The following SFMBT1 variants were observed in gnomAD, a reference collection of about 807,000 sequenced individuals.
SFMBT1 encodes scm-like with four MBT domains protein 1.
Under a neutral mutation model 108.7 loss-of-function variants are expected in SFMBT1, and 32 were observed. That is an observed-to-expected ratio of 0.29 (90% CI 0.22 to 0.40). The LOEUF is 0.40. Ranked by LOEUF, SFMBT1 falls within the 10% of genes least tolerant of loss-of-function variation. The probability of loss-of-function intolerance (pLI) is 1.00; values close to 1 mark genes in which losing one functional copy is unlikely to be tolerated. For missense variants in SFMBT1, 816 were observed against 1,059.6 expected (o/e 0.77, Z 3.19); for synonymous variants, 348 against 369.5 (o/e 0.94, Z 0.67).
At chr3:52,946,467 G>A (rs1046736998) in intron 3 of SFMBT1, among the ~76,000 whole-genome samples, 2 of 152,206 alleles carry the variant, frequency 1.3e-5, no homozygotes, top group African/African-American at 4.8e-5. Context: ...AGCTTCTCTT[G>A]TCGAACATTA....
At chr3:52,975,463 A>G (rs1704486182) in intron 1 of SFMBT1, among the ~76,000 whole-genome samples, 1 of 152,106 alleles carries the variant, frequency 6.6e-6, no homozygotes, top group Admixed American at 6.5e-5. Context: ...GCAAGGCGGG[A>G]GGATAGCTTG....
chr3:53,035,628 ACT>A (rs1381942501), intron 1 of SFMBT1, among the ~76,000 whole-genome samples: 1 of 152,120 alleles, frequency 6.6e-6, no homozygotes, highest in Admixed American at 6.5e-5. Flanking sequence ...ATGGAGTCTC[ACT>A]CTGTTGCCCA....
chr3:52,953,521 A>G (rs1447551011), intron 3 of SFMBT1, among the ~76,000 whole-genome samples: 2 of 152,166 alleles, frequency 1.3e-5, no homozygotes, highest in African/African-American at 4.8e-5. Flanking sequence ...AAGTCATTAC[A>G]CAGGGCAAAT....
intron 1 of SFMBT1, among the ~76,000 whole-genome samples, chr3:53,006,712 T>C (rs1698756617): frequency 6.6e-6 from 1 of 152,066 alleles, no homozygotes; most frequent in African/African-American, 2.4e-5. Context: ...TGAGCATCTA[T>C]GAATTTTGGA....
In SFMBT1 at chr3:53,029,815, G is replaced by A. The variant is rs74683485; in HGVS notation, c.-131+16001C>T. Reference sequence around the variant, plus strand: ...GTGGTGGGTGGAGGGTGGGGAGAATGGGGGTGGTAGAAGGCCTCTCCACGA... The same window carrying A: ...GTGGTGGGTGGAGGGTGGGGAGAATAGGGGTGGTAGAAGGCCTCTCCACGA... On this transcript the variant is annotated intron_variant, in intron 1 of 20. Coordinates refer to ENST00000394752, the MANE Select transcript of SFMBT1 (RefSeq NM_016329.4). 9.3e-3 allele frequency among the ~76,000 whole-genome samples: 1,422 copies of A among 152,164 alleles called. 8 individuals are homozygous for A. Among genetic ancestry groups the A allele is most frequent in the Middle Eastern group, 0.017 (5 of 294 alleles).
chr3:53,013,371 T>A (rs1428630251), intron 1 of SFMBT1, among the ~76,000 whole-genome samples: 1 of 151,634 alleles, frequency 6.6e-6, no homozygotes, highest in Non-Finnish European at 1.5e-5. Context: ...GAATATTACG[T>A]CTTGAGTATA....
chr3:52,976,702 C>T (rs573966445), intron 1 of SFMBT1, among the ~76,000 whole-genome samples: 6 of 152,160 alleles, frequency 3.9e-5, no homozygotes, highest in Middle Eastern at 6.8e-3. Flanking sequence ...CTATCTCCAG[C>T]GTATATAGCA....
At chr3:52,951,307 T>A (rs1185775288) in intron 3 of SFMBT1, among the ~76,000 whole-genome samples, 1 of 151,824 alleles carries the variant, frequency 6.6e-6, no homozygotes. Context: ...TTTAGAGCTG[T>A]GTATCAAGCA....
chr3:52,942,722 C>T (rs1349893385), intron 4 of SFMBT1, among the ~76,000 whole-genome samples: 3 of 152,226 alleles, frequency 2.0e-5, no homozygotes, highest in African/African-American at 4.8e-5. Flanking sequence ...GCCATGTTGG[C>T]CAGGCTGGTC....
At chr3:53,035,859 C>T (rs148223703) in intron 1 of SFMBT1, among the ~76,000 whole-genome samples, 6,219 of 152,302 alleles carry the variant, frequency 0.041, 180 homozygotes, top group Middle Eastern at 0.082. Context: ...TCCCAAAATA[C>T]TGGGATTACA....
chr3:52,925,996 TG>T, intron 10 of SFMBT1, 34 bp downstream of exon 10: 1 of 1,418,536 alleles, frequency 7.0e-7, no homozygotes, highest in Non-Finnish European at 9.3e-7. Flanking sequence ...CCTGCAGCCC[TG>T]CCATAGTGGC....
intron 1 of SFMBT1, among the ~76,000 whole-genome samples, chr3:52,996,045 TG>T (rs1698316202): frequency 6.9e-6 from 1 of 144,508 alleles, no homozygotes; most frequent in African/African-American, 2.5e-5. Flanking sequence ...CACTCTAGCC[TG>T]GGCAACAGGG....
At chr3:52,979,265 G>A (rs2106875291) in intron 1 of SFMBT1, among the ~76,000 whole-genome samples, 1 of 152,188 alleles carries the variant, frequency 6.6e-6, no homozygotes, top group Middle Eastern at 3.4e-3. Context: ...TAATTTGGCT[G>A]TTACTGGTTT....
intron 12 of SFMBT1, among the ~76,000 whole-genome samples, chr3:52,919,349 A>T (rs1206304138): frequency 6.6e-6 from 1 of 152,254 alleles, no homozygotes; most frequent in Non-Finnish European, 1.5e-5. Context: ...AGCTATATAA[A>T]GGAATAAAGA....
chr3:52,905,221 A>G lies in SFMBT1; in HGVS notation c.2516T>C (p.Met839Thr). 6.2e-7 allele frequency: 1 copy of G among 1,614,076 alleles called. No individual in the cohort carries two copies. The highest frequency in any genetic ancestry group is 2.2e-5 in the East Asian group (1 of 44,880). ...LLTLPTVQECMDLKLGPAIKL... is the reference protein window; with the variant it reads ...LLTLPTVQECTDLKLGPAIKL... ...GATGGCAGGGCCCAATTTTAAGTCC[A>G]TGCATTCTTGAACAGTGGGAAGGGT... Residue 839 changes from methionine (M) to threonine (T), a missense_variant, in exon 21 of 21, where the codon ATG becomes ACG. By Grantham distance (81) the Met-to-Thr change is moderately conservative (BLOSUM62 -1). Around this residue, in one of 5 missense-constraint regions of SFMBT1, gnomAD observed 49 missense variants for 91.8 expected, o/e 0.53. Transcript: ENST00000394752.
At chr3:53,011,255 C>T (rs987513001) in intron 1 of SFMBT1, among the ~76,000 whole-genome samples, 1 of 152,104 alleles carries the variant, frequency 6.6e-6, no homozygotes, top group Admixed American at 6.6e-5. Context: ...GGAAGGCATT[C>T]CCAGCAGGCC....
chr3:52,973,160 T>C (rs905348329), intron 1 of SFMBT1, among the ~76,000 whole-genome samples: 1 of 152,120 alleles, frequency 6.6e-6, no homozygotes, highest in Non-Finnish European at 1.5e-5. Flanking sequence ...GAGGTTACCA[T>C]GAGCAATGAT....
In SFMBT1 at chr3:52,967,261, G is replaced by C. The variant is rs1163233444; in HGVS notation, c.28+1840C>G. 2.0e-5 allele frequency among the ~76,000 whole-genome samples: 3 copies of C among 152,094 alleles called. No individual in the cohort carries two copies. The South Asian group carries it at 6.2e-4, about 31-fold the overall frequency. ...ATAAGGCCAAAATTTTTAAAAATTA[G>C]TGTATGCTGTGTCAAGAACCTTATT... On this transcript the variant is annotated intron_variant, in intron 2 of 20. Coordinates refer to ENST00000394752, the MANE Select transcript of SFMBT1 (RefSeq NM_016329.4).
At chr3:52,999,714 C>T (rs570996063) in intron 1 of SFMBT1, among the ~76,000 whole-genome samples, 1 of 149,874 alleles carries the variant, frequency 6.7e-6, no homozygotes, top group Admixed American at 6.7e-5. Context: ...GGTGAGCCCC[C>T]ACTCATCCTG....
Sources: allele counts gnomAD v4.1 joint callset (sites outside exome capture counted in the v4.1 genomes callset), GRCh38; gene constraint gnomAD v4.1.1; regional missense constraint gnomAD v4.1.1; transcripts MANE v1.5; gene names NCBI Gene and HGNC (gene_info 2026-07-23, HGNC 2026-07-21).